LRFN5: variants seen among roughly 807,000 people sequenced by gnomAD.
LRFN5 encodes the protein leucine rich repeat and fibronectin type III domain containing 5, also known as leucine-rich repeat and fibronectin type-III domain-containing protein 5.
Under a neutral mutation model 45.6 loss-of-function variants are expected in LRFN5, and 24 were observed. That is an observed-to-expected ratio of 0.53 (90% CI 0.38 to 0.74). The LOEUF (loss-of-function observed/expected upper bound fraction) is 0.74. Among genes scored for constraint, LRFN5 ranks in the 30% least tolerant of loss-of-function variants. The pLI is 0.00. For missense variants in LRFN5, 776 were observed against 861.5 expected (o/e 0.90, Z 1.24); for synonymous variants, 340 against 313.8 (o/e 1.08, Z -0.88).
intron 1 of LRFN5, among the ~76,000 whole-genome samples, chr14:41,688,376 C>T (rs1594617276): frequency 6.6e-6 from 1 of 151,654 alleles, no homozygotes; most frequent in South Asian, 2.1e-4. Context: ...CCTTATTTAC[C>T]CTGATGTGAT....
chr14:41,806,036 T>G (rs1024281058), intron 2 of LRFN5, among the ~76,000 whole-genome samples: 5 of 152,168 alleles, frequency 3.3e-5, no homozygotes, highest in African/African-American at 1.2e-4. Flanking sequence ...CAGTTCTGTT[T>G]GCTAGCCCCT....
chr14:41,854,026 C>A (rs1024330938), intron 2 of LRFN5, among the ~76,000 whole-genome samples: 13 of 152,050 alleles, frequency 8.5e-5, no homozygotes, highest in African/African-American at 3.1e-4. Context: ...GCATAAGGGG[C>A]AGGTAAGGTA....
At chr14:41,791,370 T>C (rs1034230305) in intron 2 of LRFN5, among the ~76,000 whole-genome samples, 14 of 152,014 alleles carry the variant, frequency 9.2e-5, no homozygotes, top group African/African-American at 2.7e-4. Context: ...ATTTCTGTTA[T>C]AGTTATCTAC....
intron 2 of LRFN5, among the ~76,000 whole-genome samples, chr14:41,867,809 G>C (rs4904943): frequency 0.76 from 115,692 of 151,894 alleles, 44,204 homozygotes; most frequent in East Asian, 0.97. Context: ...TTCCTTGCTG[G>C]CTTCCCTCAT....
chr14:41,725,556 T>C (rs1883895938), intron 1 of LRFN5, among the ~76,000 whole-genome samples: 2 of 149,584 alleles, frequency 1.3e-5, no homozygotes, highest in Non-Finnish European at 3.0e-5. Flanking sequence ...CCATAGTTGT[T>C]GTACCATATT....
chr14:41,675,338 C>T (rs1039856515), intron 1 of LRFN5, among the ~76,000 whole-genome samples: 5 of 152,230 alleles, frequency 3.3e-5, no homozygotes, highest in Non-Finnish European at 5.9e-5. Flanking sequence ...AACCAGACTC[C>T]GTCTGCAATC....
chr14:41,780,834 CA>C (rs991522112), intron 2 of LRFN5, among the ~76,000 whole-genome samples: 1 of 151,766 alleles, frequency 6.6e-6, no homozygotes, highest in African/African-American at 2.4e-5. Flanking sequence ...AATTCTACTT[CA>C]AAAAAATTTA....
chr14:41,857,105 A>G (rs1228867711), intron 2 of LRFN5, among the ~76,000 whole-genome samples: 1 of 152,224 alleles, frequency 6.6e-6, no homozygotes. Flanking sequence ...ATGGCCAATA[A>G]TAACACTTGC....
At chr14:41,894,406 G>A (rs755681670) in intron 4 of LRFN5, 10 of 869,044 alleles carry the variant, frequency 1.2e-5, no homozygotes, top group East Asian at 1.2e-4. Context: ...ATAATTTAAT[G>A]TGATTTAATA....
Position 41,884,389 on chromosome 14 carries a change from TC to T in LRFN5, c.-20-2216del, listed in dbSNP as rs928977006. On this transcript the variant is annotated intron_variant, in intron 2 of 5. Coordinates refer to ENST00000298119, the MANE Select transcript of LRFN5 (RefSeq NM_152447.5). ...TTCTATCTTTATTTGTTGATAATGA[TC>T]ATTTTTATTAACTAGATCAACATTT... 5.8e-4 allele frequency among the ~76,000 whole-genome samples: 89 copies of T among 152,184 alleles called. 5 individuals carry two copies. The highest frequency in any genetic ancestry group is 7.4e-5 in the Non-Finnish European group (5 of 68,024).
chr14:41,857,468 T>C (rs80125270), intron 2 of LRFN5, among the ~76,000 whole-genome samples: 4,257 of 152,280 alleles, frequency 0.028, 86 homozygotes, highest in African/African-American at 0.059. Flanking sequence ...GTCTCTATAG[T>C]ATATATGCTA....
At chr14:41,674,694 CG>C (rs544959253) in intron 1 of LRFN5, among the ~76,000 whole-genome samples, 1 of 150,584 alleles carries the variant, frequency 6.6e-6, no homozygotes, top group East Asian at 2.0e-4. Context: ...GCTGGCTGGG[CG>C]GGGGGCTGAC....
At chr14:41,612,040 C>A (rs1449899080) in intron 1 of LRFN5, among the ~76,000 whole-genome samples, 1 of 152,064 alleles carries the variant, frequency 6.6e-6, no homozygotes, top group Non-Finnish European at 1.5e-5. Context: ...TCATAAATGA[C>A]CGTCATTTTC....
chr14:41,723,307 G>A (rs28819477), intron 1 of LRFN5, among the ~76,000 whole-genome samples: 3,612 of 152,230 alleles, frequency 0.024, 130 homozygotes, highest in African/African-American at 0.083. Context: ...TAGAATGCCT[G>A]GAAGTCTACT....
At chr14:41,803,005 A>G (rs902837890) in intron 2 of LRFN5, among the ~76,000 whole-genome samples, 2 of 152,176 alleles carry the variant, frequency 1.3e-5, no homozygotes, top group African/African-American at 2.4e-5. Flanking sequence ...GTCCTATATA[A>G]TAATGCAAGT....
intron 1 of LRFN5, among the ~76,000 whole-genome samples, chr14:41,695,697 C>G (rs1367479696): frequency 6.6e-6 from 1 of 151,870 alleles, no homozygotes; most frequent in Admixed American, 6.6e-5. Flanking sequence ...ATATTTTAAG[C>G]CCAATATTCA....
At chr14:41,656,377 T>C (rs1027074393) in intron 1 of LRFN5, among the ~76,000 whole-genome samples, 8 of 152,026 alleles carry the variant, frequency 5.3e-5, no homozygotes, top group African/African-American at 1.9e-4. Context: ...AACGCATTAG[T>C]TATTCACACC....
At chr14:41,744,758 T>C (rs1212765060) in intron 1 of LRFN5, among the ~76,000 whole-genome samples, 1 of 152,144 alleles carries the variant, frequency 6.6e-6, no homozygotes, top group Non-Finnish European at 1.5e-5. Context: ...TAATAGCAGA[T>C]GAAATAAACT....
intron 1 of LRFN5, among the ~76,000 whole-genome samples, chr14:41,686,762 T>G (rs1882142184): frequency 6.6e-6 from 1 of 152,166 alleles, no homozygotes; most frequent in Admixed American, 6.5e-5. Context: ...TGGATTACAT[T>G]TAATGATGTG....
Sources: allele counts gnomAD v4.1 joint callset (sites outside exome capture counted in the v4.1 genomes callset), GRCh38; gene constraint gnomAD v4.1.1; transcripts MANE v1.5; gene names NCBI Gene and HGNC (gene_info 2026-07-23, HGNC 2026-07-21).